ANGEL2: variants seen among roughly 807,000 people sequenced by gnomAD.
The protein encoded by ANGEL2 is RNA 2',3'-cyclic phosphatase ANGEL2.
In ANGEL2, 41 loss-of-function variants were observed where a neutral mutation model predicts 66.0. That is an observed-to-expected ratio of 0.62 (90% CI 0.48 to 0.81). ANGEL2 has a LOEUF of 0.81. Ranked by LOEUF, ANGEL2 falls within the 30% of genes least tolerant of loss-of-function variation. The pLI is 0.00. For missense variants in ANGEL2, 561 were observed against 641.6 expected, an observed-to-expected ratio of 0.87 and a Z score of 1.36; for synonymous variants, 208 against 226.5, an observed-to-expected ratio of 0.92 and a Z score of 0.73.
Position 212,997,259 on chromosome 1 carries a change from G to A in ANGEL2, c.1379C>T (p.Pro460Leu). ...SLSSVYSHYF[P>L]DTGIPEVTTC... is the part of the protein sequence containing the mutation. ...GGTCACTTCTGGAATTCCAGTGTCAGGAAAGTAATGTGAATAAACAGATGA... is the reference window on the plus strand; with the variant it reads ...GGTCACTTCTGGAATTCCAGTGTCAAGAAAGTAATGTGAATAAACAGATGA... Residue 460 changes from proline to leucine, a missense_variant, in exon 8 of 9, where the codon CCT (proline) becomes CTT (leucine). Pro to Leu is a moderately conservative substitution (Grantham distance 98). Transcript: ENST00000366962. The A allele has an allele frequency of 1.2e-6, 2 of 1,613,606 alleles. No individual in the cohort carries two copies. The highest frequency in any genetic ancestry group is 1.7e-6 in the Non-Finnish European group (2 of 1,179,572).
intron 2 of ANGEL2, among the ~76,000 whole-genome samples, chr1:213,012,091 A>C (rs1049507220): frequency 6.6e-6 from 1 of 152,188 alleles, no homozygotes; most frequent in Non-Finnish European, 1.5e-5. Context: ...TAAGTTACAC[A>C]TTTATTTGAA....
chr1:212,995,066 A>G lies in ANGEL2; in HGVS notation c.1610T>C (p.Leu537Ser). 3.1e-6 allele frequency: 5 copies of G among 1,610,294 alleles called. No homozygotes were observed. The highest frequency in any genetic ancestry group is 4.2e-6 in the Non-Finnish European group (5 of 1,178,230). Residue 537 changes from leucine (L) to serine (S), a missense_variant, in exon 9 of 9, where the codon TTG becomes TCG. By Grantham distance (145) the Leu-to-Ser change is moderately radical. Coordinates refer to ENST00000366962, the MANE Select transcript of ANGEL2 (RefSeq NM_144567.5). Reference sequence around the variant, plus strand: ...TCAGAGCTCAAGTCTGAACTTTGCCAATAAAGGCAGATGATCTGAAGAGTT... The same window carrying G: ...TCAGAGCTCAAGTCTGAACTTTGCCGATAAAGGCAGATGATCTGAAGAGTT... ...ENNSSDHLPL[L>S]AKFRLEL
chr1:213,013,059 T>C, intron 2 of ANGEL2, 34 bp downstream of exon 2: 1 of 1,584,238 alleles, frequency 6.3e-7, no homozygotes, highest in Non-Finnish European at 8.6e-7. Context: ...ATCACTTGTA[T>C]CTATTTCTAC....
In ANGEL2 at chr1:213,015,700, A is replaced by G. The variant is rs780269076; in HGVS notation, c.-29T>C. On this transcript the variant is annotated 5_prime_UTR_variant, in exon 1 of 9. Transcript: ENST00000366962. The stretch of plus-strand genomic sequence containing the variant: ...CGCCCTCCGCGTGCGTCCAGTTCCC[A>G]GGCCCCGGGTTCCACCTCAATCTCT... 6.2e-7 allele frequency: 1 copy of G among 1,613,952 alleles called. No homozygotes were observed. The highest frequency in any genetic ancestry group is 8.5e-7 in the Non-Finnish European group (1 of 1,179,986).
rs571188573 is a variant in ANGEL2, at chr1:213,015,610, G to A, written c.59+3C>T. 5 of 1,584,614 alleles carry A rather than the reference G, an allele frequency of 3.2e-6. No homozygotes were observed. Among genetic ancestry groups the A allele is most frequent in the Non-Finnish European group, 4.3e-6 (5 of 1,164,582 alleles). On this transcript the variant is annotated splice_donor_region_variant and intron_variant, in intron 1 of 8. Transcript: ENST00000366962. ...CTCCCTCCGAGTACCCAGCCCTACTGACCGGCCTCTTCCCACCACACAGTG... is the reference window on the plus strand; with the variant it reads ...CTCCCTCCGAGTACCCAGCCCTACTAACCGGCCTCTTCCCACCACACAGTG...
At position 212,997,333 on chromosome 1, in the gene ANGEL2, A is replaced by C; in HGVS notation, c.1320-15T>G. ...TTGAAGACAATCTAAATAGAAAAGA[A>C]GAAGTGTTTAGAATCCGAGTTTTTG... is the stretch of plus-strand genomic sequence containing the variant. On this transcript the variant is annotated splice_polypyrimidine_tract_variant and intron_variant, in intron 7 of 8. Transcript: ENST00000366962. 1 of 1,586,952 alleles carries C rather than the reference A, an allele frequency of 6.3e-7. No homozygotes were observed. Among genetic ancestry groups the C allele is most frequent in the Non-Finnish European group, 8.6e-7 (1 of 1,160,004 alleles).
chr1:213,012,579 C>T (rs1197511476), intron 2 of ANGEL2, among the ~76,000 whole-genome samples: 1 of 152,082 alleles, frequency 6.6e-6, no homozygotes, highest in Non-Finnish European at 1.5e-5. Context: ...ATCTATGGAC[C>T]CAATTTGAGA....
chr1:213,001,583 A>G (rs945171027), intron 5 of ANGEL2: 3 of 152,238 alleles, frequency 2.0e-5, no homozygotes, highest in Non-Finnish European at 2.9e-5. Flanking sequence ...TAAGACAACA[A>G]TGAAATTTGC....
At position 213,015,604 on chromosome 1, in the gene ANGEL2, C is replaced by T. The variant is rs1485393423; in HGVS notation, c.59+9G>A. ...TCTCTCCTCCCTCCGAGTACCCAGC[C>T]CTACTGACCGGCCTCTTCCCACCAC... On this transcript the variant is annotated intron_variant, in intron 1 of 8. Transcript: ENST00000366962. The T allele has an allele frequency of 6.8e-6, 11 of 1,613,690 alleles. No individual in the cohort carries two copies. The Admixed American group carries it at 1.3e-4, about 20-fold the overall frequency.
At chr1:212,999,468 ATTTT>A (rs936081546) in intron 7 of ANGEL2, among the ~76,000 whole-genome samples, 1 of 152,200 alleles carries the variant, frequency 6.6e-6, no homozygotes, top group African/African-American at 2.4e-5. Context: ...CATTTAAAAA[ATTTT>A]TTTAAAAATT....
At chr1:213,002,137 T>C (rs1433491451) in intron 5 of ANGEL2, 4 of 152,456 alleles carry the variant, frequency 2.6e-5, no homozygotes, top group African/African-American at 4.8e-5. Flanking sequence ...CTATAGCCTA[T>C]GAAATGTATT....
intron 3 of ANGEL2, 21 bp downstream of exon 3, chr1:213,008,189 T>C (rs1465915654): frequency 6.2e-7 from 1 of 1,601,508 alleles, no homozygotes; most frequent in Admixed American, 1.7e-5. Flanking sequence ...GTGAAGAATT[T>C]CAATAATATT....
chr1:213,008,528 CATAT>C, intron 2 of ANGEL2, 62 bp from the exon 3 acceptor site: 2 of 1,535,062 alleles, frequency 1.3e-6, no homozygotes, highest in Non-Finnish European at 1.7e-6. Flanking sequence ...CAGTTTCCCA[CATAT>C]ATGTATTTTT....
chr1:212,996,740 G>T (rs1195436913), intron 8 of ANGEL2, among the ~76,000 whole-genome samples: 1 of 148,606 alleles, frequency 6.7e-6, no homozygotes, highest in African/African-American at 2.5e-5. Flanking sequence ...TGCTGGCAGT[G>T]TAACTATGGT....
intron 8 of ANGEL2, 25 bp from the exon 9 acceptor site, chr1:212,995,217 T>C: frequency 6.4e-7 from 1 of 1,571,458 alleles, no homozygotes; most frequent in African/African-American, 1.4e-5. Context: ...CACACACATA[T>C]TTAGTAAAAT....
intron 5 of ANGEL2, among the ~76,000 whole-genome samples, chr1:213,002,488 TAACTTA>T (rs1199717595): frequency 2.6e-5 from 4 of 152,224 alleles, no homozygotes; most frequent in Admixed American, 2.0e-4. Context: ...ATGCTGACTT[TAACTTA>T]AAGTAACAAG....
intron 4 of ANGEL2, among the ~76,000 whole-genome samples, chr1:213,006,136 G>A (rs1375965135): frequency 3.9e-5 from 6 of 152,014 alleles, no homozygotes; most frequent in Non-Finnish European, 8.8e-5. Flanking sequence ...CCCTAGAACA[G>A]TGCACGGTAT....
At position 213,015,374 on chromosome 1, in the gene ANGEL2, G is replaced by A. The variant is rs2076616052; in HGVS notation, c.59+239C>T. On this transcript the variant is annotated intron_variant, in intron 1 of 8. Transcript: ENST00000366962. ...GGCACAAGCCTGGCCGGCGGCCCAT[G>A]AACTCCGCGCCAAGACCCCAGACCT... 2.8e-6 allele frequency: 4 copies of A among 1,412,064 alleles called. No individual in the cohort carries two copies. In the African/African-American group the frequency reaches 4.3e-5, roughly 15 times the overall value. The allele number at this position is 1,412,064 out of a possible 1,614,324, so 87.5% of individuals were successfully genotyped here.
intron 2 of ANGEL2, among the ~76,000 whole-genome samples, chr1:213,010,051 CAAA>C (rs57723014): frequency 8.4e-4 from 43 of 51,300 alleles, no homozygotes; most frequent in African/African-American, 2.8e-3. Context: ...GACTCCAACT[CAAA>C]AAAAAAAAAA....
Sources: allele counts gnomAD v4.1 joint callset (sites outside exome capture counted in the v4.1 genomes callset), GRCh38; gene constraint gnomAD v4.1.1; transcripts MANE v1.5; gene names NCBI Gene and HGNC (gene_info 2026-07-23, HGNC 2026-07-21).